The following PHACTR3 variants were observed in gnomAD, a reference collection of about 807,000 sequenced individuals.
The protein encoded by PHACTR3 is protein phosphatase 1, regulatory subunit 123.
Under a neutral mutation model 66.8 loss-of-function variants are expected in PHACTR3, and 16 were observed. The ratio of observed to expected loss-of-function variants is 0.24; its 90% CI spans 0.16 to 0.36. PHACTR3 has a LOEUF of 0.36. Ranked by LOEUF, PHACTR3 falls within the 10% of genes least tolerant of loss-of-function variation. The probability of loss-of-function intolerance (pLI) is 1.00; values close to 1 mark genes in which losing one functional copy is unlikely to be tolerated. For synonymous variants in PHACTR3, 323 were observed against 292.1 expected (o/e 1.11, Z -1.08); for missense variants, 647 against 719.9 (o/e 0.90, Z 1.16).
Position 59,738,246 on chromosome 20 carries a change from T to C in PHACTR3, c.119-4861T>C, listed in dbSNP as rs932411629. On this transcript the variant is annotated intron_variant, in intron 1 of 12. Coordinates refer to ENST00000371015, the MANE Select transcript of PHACTR3 (RefSeq NM_080672.5). This position sits in a 1 kb window ranked among gnomAD's most constrained non-coding sequence, Gnocchi z 4.4. ...CAGGAGGGGAGCCTGGGGTGCCTGG[T>C]CCCAGCCCCCATGTTCTTCACAGCT... Among the ~76,000 whole-genome samples the C allele has an allele frequency of 1.3e-5, 2 of 152,056 alleles. No individual in the cohort carries two copies. Among genetic ancestry groups the C allele is most frequent in the African/African-American group, 4.8e-5 (2 of 41,420 alleles).
chr20:59,805,932 C>G, intron 7 of PHACTR3, 109 bp from the exon 8 acceptor site: 1 of 1,205,464 alleles, frequency 8.3e-7, no homozygotes. Context: ...TCACCCTGGT[C>G]TGGAGTCCTT....
chr20:59,634,250 C>T (rs1174843910), intron 1 of PHACTR3, among the ~76,000 whole-genome samples: 1 of 152,194 alleles, frequency 6.6e-6, no homozygotes, highest in Non-Finnish European at 1.5e-5. Flanking sequence ...GCAAGTGCAG[C>T]CTCTGAAATC....
intron 10 of PHACTR3, among the ~76,000 whole-genome samples, chr20:59,841,101 G>GATGC (rs2059051702): frequency 6.6e-6 from 1 of 152,132 alleles, no homozygotes; most frequent in Admixed American, 6.5e-5. Context: ...TGAAGCCAGT[G>GATGC]ATGCCATAAA....
intron 1 of PHACTR3, among the ~76,000 whole-genome samples, chr20:59,635,201 T>TTTCTTTCTGTCTTTCTTTCTTTCC: frequency 3.4e-5 from 1 of 29,312 alleles, no homozygotes; most frequent in Non-Finnish European, 7.0e-5. Context: ...TTTCTCTTTC[T>TTTCTTTCTGTCTTTCTTTCTTTCC]TTCTTTCCTT....
chr20:59,677,623 C>G (rs1411161569), intron 1 of PHACTR3, among the ~76,000 whole-genome samples: 1 of 152,134 alleles, frequency 6.6e-6, no homozygotes, highest in Non-Finnish European at 1.5e-5. Flanking sequence ...AATGGCGATT[C>G]AGGATCCCAA....
rs150055561 is a variant in PHACTR3, at chr20:59,724,780, C to A, written c.119-18327C>A. ...TCTCCCCCTCTCCTCAAAATGCTTA[C>A]CTGCATTTTCATGATGCAGCTATGA... On this transcript the variant is annotated intron_variant, in intron 1 of 12. Transcript: ENST00000371015. Among the ~76,000 whole-genome samples, 512 of 152,336 alleles carry A rather than the reference C, an allele frequency of 3.4e-3. 2 individuals are homozygous for A. The highest frequency in any genetic ancestry group is 6.0e-3 in the Non-Finnish European group (411 of 68,018).
intron 1 of PHACTR3, among the ~76,000 whole-genome samples, chr20:59,668,465 C>T (rs1233832831): frequency 6.6e-6 from 1 of 152,134 alleles, no homozygotes; most frequent in Admixed American, 6.6e-5. Flanking sequence ...GGGTCATTGG[C>T]CTTTCTCACA....
At chr20:59,720,674 T>A (rs942844563) in intron 1 of PHACTR3, among the ~76,000 whole-genome samples, 1 of 152,186 alleles carries the variant, frequency 6.6e-6, no homozygotes, top group African/African-American at 2.4e-5. Context: ...CAAATTGTGT[T>A]TGCCGTGCAT....
intron 1 of PHACTR3, among the ~76,000 whole-genome samples, chr20:59,730,948 T>G (rs942514743): frequency 6.6e-6 from 1 of 152,032 alleles, no homozygotes; most frequent in Non-Finnish European, 1.5e-5. Flanking sequence ...GCAAAGTGAG[T>G]GAGGGACGCA....
rs1242979486 is a variant in PHACTR3, at chr20:59,747,780, C to T, written c.303C>T (p.Gly101=). 6.2e-7 allele frequency: 1 copy of T among 1,613,954 alleles called. No individual in the cohort carries two copies. The highest frequency in any genetic ancestry group is 8.5e-7 in the Non-Finnish European group (1 of 1,179,934). The change falls in exon 3 of 13, where the codon GGC becomes GGT. Residue 101 remains glycine, a synonymous_variant. Transcript: ENST00000371015. ...CAGCGCTGGAGAAGAAGATGGCCGG[C>T]AGGCAAGGCCGAGAGGAGCTCATCA... is the stretch of plus-strand genomic sequence containing the variant. ...TTSALEKKMA[G]RQGREELIKK...
intron 5 of PHACTR3, among the ~76,000 whole-genome samples, chr20:59,769,745 G>GATGA (rs925492558): frequency 1.1e-4 from 16 of 152,234 alleles, no homozygotes; most frequent in Non-Finnish European, 1.9e-4. Flanking sequence ...TGGTTGGATG[G>GATGA]ATGAATGAAT....
At chr20:59,625,346 G>A (rs977601649) in intron 1 of PHACTR3, among the ~76,000 whole-genome samples, 1 of 151,982 alleles carries the variant, frequency 6.6e-6, no homozygotes, top group Non-Finnish European at 1.5e-5. Flanking sequence ...TGGGCACGGG[G>A]TTTGCCCGGC....
chr20:59,757,018 A>G (rs779779466), intron 4 of PHACTR3, among the ~76,000 whole-genome samples: 2 of 152,260 alleles, frequency 1.3e-5, no homozygotes, highest in Non-Finnish European at 2.9e-5. Flanking sequence ...TTGATAAGAA[A>G]AAAACCCCAC....
chr20:59,819,857 G>A (rs1175604872), intron 8 of PHACTR3, among the ~76,000 whole-genome samples: 4 of 152,228 alleles, frequency 2.6e-5, no homozygotes, highest in Non-Finnish European at 4.4e-5. Context: ...GGCCGGTGCT[G>A]TACCGGTACT....
intron 1 of PHACTR3, among the ~76,000 whole-genome samples, chr20:59,710,430 AGGTCAAG>A (rs758011252): frequency 1.4e-4 from 21 of 152,154 alleles, no homozygotes; most frequent in Admixed American, 2.6e-4. Context: ...GGCAGCAATA[AGGTCAAG>A]CTGGGGCTCA....
chr20:59,634,788 G>T (rs35631695), intron 1 of PHACTR3, among the ~76,000 whole-genome samples: 1 of 152,124 alleles, frequency 6.6e-6, no homozygotes, highest in Non-Finnish European at 1.5e-5. Context: ...CATGCCGCCC[G>T]GGATTGCGCC....
intron 2 of PHACTR3, among the ~76,000 whole-genome samples, chr20:59,744,445 TC>T (rs1241371031): frequency 6.6e-6 from 1 of 152,108 alleles, no homozygotes; most frequent in Non-Finnish European, 1.5e-5. Context: ...GTGGAATCAG[TC>T]CCAGGCCTCA....
chr20:59,589,813 A>G (rs1361970499), intron 1 of PHACTR3, among the ~76,000 whole-genome samples: 1 of 152,276 alleles, frequency 6.6e-6, no homozygotes, highest in Non-Finnish European at 1.5e-5. Flanking sequence ...AAACACTAAT[A>G]GTGTGCACAA....
chr20:59,604,590 G>T lies in PHACTR3; in HGVS notation c.-425G>T. On this transcript the variant is annotated 5_prime_UTR_variant, in exon 1 of 13. Transcript: ENST00000371015. ...GATTCTTCCTTTTCCCTTTTTTCCT[G>T]GGGGGGTGGGGGGTGGGGTGGGGGG... is the stretch of plus-strand genomic sequence containing the variant. The T allele has an allele frequency of 2.1e-6, 1 of 475,432 alleles. No individual in the cohort carries two copies. Among genetic ancestry groups the T allele is most frequent in the Non-Finnish European group, 2.7e-6 (1 of 366,680 alleles). 29.5% of individuals were successfully genotyped at this position (475,432 alleles called of 1,614,324 possible). A position where few individuals can be genotyped will look rare whatever the true frequency, so the allele number is the denominator to read the frequency against.
Sources: gnomAD v4.1 joint callset for allele counts (sites outside exome capture counted in the v4.1 genomes callset) on GRCh38, gnomAD v4.1.1 for gene constraint, Gnocchi (gnomAD v3.1) non-coding constraint, MANE v1.5 for transcripts, NCBI Gene and HGNC (gene_info 2026-07-23, HGNC 2026-07-21) for gene names.